The following CNTN4 variants were observed in gnomAD, a reference collection of about 807,000 sequenced individuals.
CNTN4 encodes contactin-4.
CNTN4 carries 77 observed loss-of-function variants against 122.5 expected under a neutral mutation model. That is an observed-to-expected ratio of 0.63 (90% CI 0.52 to 0.76). The LOEUF is 0.76. Among genes scored for constraint, CNTN4 ranks in the 30% least tolerant of loss-of-function variants. CNTN4 has a pLI of 0.00. For missense variants in CNTN4, 1,256 were observed against 1,259.1 expected (o/e 1.00, Z 0.04); for synonymous variants, 512 against 447.0 (o/e 1.15, Z -1.83).
At chr3:2,415,098 T>G (rs947988537) in intron 3 of CNTN4, among the ~76,000 whole-genome samples, 1 of 152,234 alleles carries the variant, frequency 6.6e-6, no homozygotes, top group Non-Finnish European at 1.5e-5. Context: ...TTTTTTATAC[T>G]GTGGATGAGG....
intron 1 of CNTN4, chr3:2,099,479 C>T (rs1258029927): frequency 6.6e-6 from 1 of 152,472 alleles, no homozygotes; most frequent in South Asian, 2.1e-4. Context: ...GGACGCGAAC[C>T]TGGGGAGTGG....
rs534450157 is a variant in CNTN4 at position 2,481,584 on chromosome 3, A to C, written c.-88-89832A>C. On this transcript the variant is annotated intron_variant, in intron 3 of 24. Coordinates refer to ENST00000418658, the MANE Select transcript of CNTN4 (RefSeq NM_175607.3). The stretch of plus-strand genomic sequence containing the variant: ...AATGGATCAAAGACCGACATGTAAA[A>C]TTTAAAACTGTAAAACCTCTTGAAG... Among the ~76,000 whole-genome samples, 4 of 152,304 alleles carry C rather than the reference A, an allele frequency of 2.6e-5. No homozygotes were observed. The South Asian group carries it at 8.3e-4, about 32-fold the overall frequency.
chr3:2,881,157 C>G (rs1333397184), intron 8 of CNTN4, among the ~76,000 whole-genome samples: 3 of 152,198 alleles, frequency 2.0e-5, no homozygotes, highest in Non-Finnish European at 2.9e-5. Context: ...AGGGTTGATT[C>G]TGTTTCTCAC....
chr3:2,603,736 C>G (rs2081144697), intron 4 of CNTN4, among the ~76,000 whole-genome samples: 1 of 152,170 alleles, frequency 6.6e-6, no homozygotes. Context: ...CAACAAAGCT[C>G]TATCTACTGT....
intron 4 of CNTN4, among the ~76,000 whole-genome samples, chr3:2,583,391 G>A (rs996519163): frequency 1.1e-4 from 16 of 152,196 alleles, no homozygotes; most frequent in African/African-American, 3.9e-4. Context: ...ATGGCTAAGT[G>A]CTTTCAGATA....
intron 10 of CNTN4, among the ~76,000 whole-genome samples, chr3:2,894,932 C>T (rs1416678746): frequency 5.9e-5 from 9 of 152,124 alleles, no homozygotes; most frequent in Admixed American, 5.9e-4. Flanking sequence ...ATTCAATGGG[C>T]ATAGTTGGAC....
Position 2,834,898 on chromosome 3 carries a change from C to CTTTTTTTTTTTTTTTTTTTTTTTTTT in CNTN4, c.454+15341_454+15342insTTTTTTTTTTTTTTTTTTTTTTTTTT, listed in dbSNP as rs71058653. On this transcript the variant is annotated intron_variant, in intron 7 of 24. Transcript: ENST00000418658. ...AAGCATTAAATTAGATAAAGGCAAC[C>CTTTTTTTTTTTTTTTTTTTTTTTTTT]TTTTTTTTTTTTTTTTTTTTTTTTG... Among the ~76,000 whole-genome samples the CTTTTTTTTTTTTTTTTTTTTTTTTTT allele has an allele frequency of 1.7e-3, 105 of 60,456 alleles. 16 individuals are homozygous for CTTTTTTTTTTTTTTTTTTTTTTTTTT. Among genetic ancestry groups the CTTTTTTTTTTTTTTTTTTTTTTTTTT allele is most frequent in the African/African-American group, 2.3e-3 (30 of 13,264 alleles). The allele number at this position is 60,456 out of a possible 152,430, so 39.7% of individuals were successfully genotyped here.
intron 3 of CNTN4, among the ~76,000 whole-genome samples, chr3:2,475,565 T>A (rs1196456797): frequency 6.6e-6 from 1 of 152,192 alleles, no homozygotes; most frequent in Non-Finnish European, 1.5e-5. Flanking sequence ...AGTGCACAGA[T>A]GTTTAAATCT....
intron 14 of CNTN4, among the ~76,000 whole-genome samples, chr3:2,997,870 G>A (rs1018790233): frequency 6.6e-6 from 1 of 152,186 alleles, no homozygotes; most frequent in Non-Finnish European, 1.5e-5. Context: ...AAAAGTGCAA[G>A]ACATAATTAA....
At chr3:2,898,959 G>A (rs2094143593) in intron 10 of CNTN4, among the ~76,000 whole-genome samples, 1 of 152,180 alleles carries the variant, frequency 6.6e-6, no homozygotes, top group South Asian at 2.1e-4. Flanking sequence ...AAGACTTGCA[G>A]CTCTTTTAAG....
chr3:2,755,981 A>G (rs376030855), intron 6 of CNTN4, among the ~76,000 whole-genome samples: 9 of 152,316 alleles, frequency 5.9e-5, no homozygotes, highest in African/African-American at 1.9e-4. Context: ...TTTTAAGTTT[A>G]ATTTTTAGGC....
chr3:2,337,324 A>G (rs998886534), intron 2 of CNTN4, among the ~76,000 whole-genome samples: 1 of 152,166 alleles, frequency 6.6e-6, no homozygotes, highest in Admixed American at 6.5e-5. Flanking sequence ...ATTTGGGAAC[A>G]TATGTTTTCT....
chr3:2,240,790 G>T (rs975985256), intron 2 of CNTN4, among the ~76,000 whole-genome samples: 2 of 151,844 alleles, frequency 1.3e-5, no homozygotes, highest in South Asian at 2.1e-4. Context: ...TATTTTAAAC[G>T]TTTGTAAATC....
At position 2,600,033 on chromosome 3, in the gene CNTN4, T is replaced by C. The variant is rs981121243; in HGVS notation, c.55+28475T>C. Among the ~76,000 whole-genome samples the C allele has an allele frequency of 6.3e-5, 9 of 143,742 alleles. 1 individual carries two copies. The South Asian group carries it at 1.3e-3, about 21-fold the overall frequency. 94.3% of individuals were successfully genotyped at this position (143,742 alleles called of 152,430 possible). ...CTTTTTTTTTTTTTTTTTTTTTTTT[T>C]TTGCCAAAACATTCTTTATTTGGTC... On this transcript the variant is annotated intron_variant, in intron 4 of 24. Coordinates refer to ENST00000418658, the MANE Select transcript of CNTN4 (RefSeq NM_175607.3).
intron 3 of CNTN4, among the ~76,000 whole-genome samples, chr3:2,379,900 C>T (rs145770373): frequency 1.7e-4 from 26 of 151,854 alleles, no homozygotes; most frequent in African/African-American, 5.1e-4. Context: ...AGGAAAAATA[C>T]AAAAAAATTA....
At chr3:2,667,876 A>G (rs2084264857) in intron 4 of CNTN4, among the ~76,000 whole-genome samples, 1 of 152,054 alleles carries the variant, frequency 6.6e-6, no homozygotes, top group Non-Finnish European at 1.5e-5. Flanking sequence ...TGTTTTTATC[A>G]GGTTTGTCAA....
chr3:2,250,651 G>A (rs1559379343), intron 2 of CNTN4, among the ~76,000 whole-genome samples: 1 of 151,756 alleles, frequency 6.6e-6, no homozygotes, highest in Non-Finnish European at 1.5e-5. Flanking sequence ...AAACTGTTTT[G>A]GAACCCTTGC....
At chr3:2,315,862 T>G (rs2150172195) in intron 2 of CNTN4, among the ~76,000 whole-genome samples, 1 of 152,246 alleles carries the variant, frequency 6.6e-6, no homozygotes, top group Admixed American at 6.5e-5. Context: ...TCCACATGTT[T>G]AATATATTTA....
At chr3:2,801,554 T>C (rs2092347304) in intron 6 of CNTN4, among the ~76,000 whole-genome samples, 1 of 152,200 alleles carries the variant, frequency 6.6e-6, no homozygotes. Context: ...AATGAAGATA[T>C]TCTTTGGAGA....
Sources: gnomAD v4.1 joint callset for allele counts (sites outside exome capture counted in the v4.1 genomes callset) on GRCh38, gnomAD v4.1.1 for gene constraint, MANE v1.5 for transcripts, NCBI Gene and HGNC (gene_info 2026-07-23, HGNC 2026-07-21) for gene names.